GPC5: variants seen among roughly 807,000 people sequenced by gnomAD.
GPC5 encodes the protein glypican 5, also known as glypican-5.
In GPC5, 47 loss-of-function variants were observed where a neutral mutation model predicts 53.9. The ratio of observed to expected loss-of-function variants is 0.87; its 90% CI spans 0.69 to 1.11. The LOEUF is 1.11. GPC5 is among the 50% of genes most tolerant of loss of function. GPC5 has a pLI of 0.00. For missense variants in GPC5, 748 were observed against 713.1 expected (o/e 1.05, Z -0.56); for synonymous variants, 286 against 263.3 (o/e 1.09, Z -0.84).
chr13:91,555,097 T>C (rs1302335289), intron 2 of GPC5, among the ~76,000 whole-genome samples: 1 of 152,068 alleles, frequency 6.6e-6, no homozygotes. Context: ...GATTCACATG[T>C]AGTTATAAGA....
intron 2 of GPC5, among the ~76,000 whole-genome samples, chr13:91,544,634 A>ATACAATGAAAT (rs2030168962): frequency 6.6e-6 from 1 of 152,138 alleles, no homozygotes; most frequent in Non-Finnish European, 1.5e-5. Context: ...GTATCTAAAG[A>ATACAATGAAAT]GTTATATCTT....
chr13:92,145,485 A>G (rs1304339526), intron 7 of GPC5, among the ~76,000 whole-genome samples: 1 of 152,068 alleles, frequency 6.6e-6, no homozygotes, highest in Admixed American at 6.6e-5. Context: ...CCCCTTCCAA[A>G]AAAAAAAACT....
intron 7 of GPC5, among the ~76,000 whole-genome samples, chr13:92,646,691 CT>C (rs1188496873): frequency 6.6e-6 from 1 of 151,790 alleles, no homozygotes; most frequent in Non-Finnish European, 1.5e-5. Flanking sequence ...TTTATGTTGA[CT>C]TTTTTATCAA....
At chr13:92,269,120 A>G (rs1301369973) in intron 7 of GPC5, among the ~76,000 whole-genome samples, 8 of 152,058 alleles carry the variant, frequency 5.3e-5, no homozygotes, top group Admixed American at 1.3e-4. Context: ...GAAATGATGC[A>G]TGACTTGATT....
At chr13:92,407,342 T>G (rs1875836748) in intron 7 of GPC5, among the ~76,000 whole-genome samples, 1 of 152,222 alleles carries the variant, frequency 6.6e-6, no homozygotes, top group Non-Finnish European at 1.5e-5. Flanking sequence ...AAAGTTATGT[T>G]TAACCATTAA....
chr13:91,900,781 T>C (rs1248532322), intron 5 of GPC5, among the ~76,000 whole-genome samples: 1 of 152,106 alleles, frequency 6.6e-6, no homozygotes, highest in Non-Finnish European at 1.5e-5. Context: ...GTAATTTTTT[T>C]TGAAATGACA....
At chr13:92,226,121 A>T (rs1259386305) in intron 7 of GPC5, among the ~76,000 whole-genome samples, 1 of 152,156 alleles carries the variant, frequency 6.6e-6, no homozygotes, top group African/African-American at 2.4e-5. Flanking sequence ...CTCCTGCCAC[A>T]AAGTAATATG....
At chr13:92,255,111 A>G (rs1399991497) in intron 7 of GPC5, among the ~76,000 whole-genome samples, 6 of 152,188 alleles carry the variant, frequency 3.9e-5, no homozygotes, top group African/African-American at 1.4e-4. Flanking sequence ...TTGTATGCAA[A>G]TACTACACTG....
chr13:92,071,823 A>G lies in GPC5; in HGVS notation c.1402-73007A>G, dbSNP rs2041213664. On this transcript the variant is annotated intron_variant, in intron 6 of 7. Transcript: ENST00000377067. The stretch of plus-strand genomic sequence containing the variant: ...GTGCCTTTAAATCTCTAACGGAAAT[A>G]ATATATTTTATTCATATATATATAA... Among the ~76,000 whole-genome samples the G allele has an allele frequency of 2.0e-5, 3 of 148,028 alleles. No homozygotes were observed. The East Asian group carries it at 5.8e-4, about 29-fold the overall frequency.
At chr13:92,266,112 T>G (rs777131025) in intron 7 of GPC5, among the ~76,000 whole-genome samples, 8 of 152,182 alleles carry the variant, frequency 5.3e-5, no homozygotes, top group Non-Finnish European at 1.2e-4. Flanking sequence ...CTCCCAGCAC[T>G]GTTACATTGG....
intron 7 of GPC5, among the ~76,000 whole-genome samples, chr13:92,213,777 T>G (rs531736224): frequency 6.6e-6 from 1 of 152,268 alleles, no homozygotes; most frequent in African/African-American, 2.4e-5. Context: ...CATTTGATAG[T>G]CTTTTGCTGC....
chr13:91,845,111 A>C (rs1483032655), intron 5 of GPC5, among the ~76,000 whole-genome samples: 1 of 152,196 alleles, frequency 6.6e-6, no homozygotes, highest in African/African-American at 2.4e-5. Flanking sequence ...ACCACAAAAG[A>C]ATGCTAGTAA....
chr13:92,214,900 A>C (rs1411722819), intron 7 of GPC5, among the ~76,000 whole-genome samples: 1 of 152,194 alleles, frequency 6.6e-6, no homozygotes, highest in African/African-American at 2.4e-5. Context: ...TTTTGAAGAC[A>C]GAGGAAGGCC....
At chr13:91,779,070 G>A (rs2037756250) in intron 5 of GPC5, among the ~76,000 whole-genome samples, 1 of 152,196 alleles carries the variant, frequency 6.6e-6, no homozygotes. Context: ...TGCAGGATTG[G>A]AAGTTGCTCT....
intron 7 of GPC5, among the ~76,000 whole-genome samples, chr13:92,193,344 A>G (rs141378095): frequency 6.6e-6 from 1 of 152,310 alleles, no homozygotes; most frequent in African/African-American, 2.4e-5. Context: ...ATCAAATAGC[A>G]TACATATTTG....
At chr13:92,862,630 T>C (rs909414494) in intron 7 of GPC5, among the ~76,000 whole-genome samples, 22 of 125,012 alleles carry the variant, frequency 1.8e-4, no homozygotes, top group African/African-American at 5.1e-4. Context: ...GATAGACAGA[T>C]AGATAGATAG....
At chr13:91,625,428 GTCTT>G (rs1485575853) in intron 2 of GPC5, among the ~76,000 whole-genome samples, 1 of 152,004 alleles carries the variant, frequency 6.6e-6, no homozygotes. Flanking sequence ...TATAACTTTT[GTCTT>G]TCTTTATTGA....
chr13:91,600,395 G>A (rs1191469851), intron 2 of GPC5, among the ~76,000 whole-genome samples: 2 of 151,686 alleles, frequency 1.3e-5, no homozygotes, highest in Non-Finnish European at 2.9e-5. Context: ...AGACATGGCT[G>A]GGCACAGTAT....
At chr13:92,394,069 A>T (rs1875146076) in intron 7 of GPC5, among the ~76,000 whole-genome samples, 1 of 152,108 alleles carries the variant, frequency 6.6e-6, no homozygotes, top group Non-Finnish European at 1.5e-5. Flanking sequence ...TCAGTGGGTT[A>T]CTTCCTGAAG....
Sources: gnomAD v4.1 joint callset for allele counts (sites outside exome capture counted in the v4.1 genomes callset) on GRCh38, gnomAD v4.1.1 for gene constraint, MANE v1.5 for transcripts, NCBI Gene and HGNC (gene_info 2026-07-23, HGNC 2026-07-21) for gene names.